The following CSMD1 variants were observed in gnomAD, a reference collection of about 807,000 sequenced individuals.
CSMD1 encodes CUB and sushi domain-containing protein 1.
A neutral mutation model predicts 417.5 loss-of-function variants in CSMD1; 213 were observed. The ratio of observed to expected loss-of-function variants is 0.51; its 90% confidence interval spans 0.46 to 0.57. The LOEUF is 0.57. Ranked by LOEUF, CSMD1 falls within the 20% of genes least tolerant of loss-of-function variation. CSMD1 has a pLI of 0.00. For synonymous variants in CSMD1, 2,862 were observed against 1,736.8 expected (o/e 1.65, Z -16.11); for missense variants, 6,923 against 4,529.7 (o/e 1.53, Z -15.17).
intron 5 of CSMD1, among the ~76,000 whole-genome samples, chr8:3,989,080 C>T (rs1292820625): frequency 1.3e-5 from 2 of 152,168 alleles, no homozygotes; most frequent in Non-Finnish European, 2.9e-5. Flanking sequence ...CTCTCTATGG[C>T]ACTGTTTCTT....
At chr8:3,016,523 G>A (rs769778129) in intron 52 of CSMD1, among the ~76,000 whole-genome samples, 25 of 152,128 alleles carry the variant, frequency 1.6e-4, no homozygotes, top group African/African-American at 3.6e-4. Flanking sequence ...AACCCTTTCC[G>A]TTACAGTGGT....
rs560125800 is a variant in CSMD1, at chr8:4,112,489, T to C, written c.416-80390A>G. On this transcript the variant is annotated intron_variant, in intron 3 of 69. Transcript: ENST00000635120. The stretch of plus-strand genomic sequence containing the variant: ...TTCTTCCACCCTCCTGCCAATGGAG[T>C]GACCCATCCTGAATACAGGAAGTTT... 4.6e-5 allele frequency among the ~76,000 whole-genome samples: 7 copies of C among 152,112 alleles called. No individual in the cohort carries two copies. The South Asian group carries it at 6.2e-4, about 14-fold the overall frequency.
At chr8:4,710,818 C>G (rs1375090681) in intron 1 of CSMD1, among the ~76,000 whole-genome samples, 1 of 151,268 alleles carries the variant, frequency 6.6e-6, no homozygotes, top group Non-Finnish European at 1.5e-5. Flanking sequence ...GCGCTCTAGC[C>G]TGGGAGACAG....
intron 5 of CSMD1, among the ~76,000 whole-genome samples, chr8:3,777,560 T>G (rs1002162092): frequency 1.3e-5 from 2 of 152,160 alleles, no homozygotes; most frequent in Non-Finnish European, 2.9e-5. Context: ...AGGCTCCCTC[T>G]AGTCCACAGG....
intron 2 of CSMD1, among the ~76,000 whole-genome samples, chr8:4,596,078 G>A (rs1020997946): frequency 6.6e-6 from 1 of 152,094 alleles, no homozygotes; most frequent in East Asian, 1.9e-4. Context: ...TTCTCTCAAG[G>A]GCCAACTTCC....
chr8:4,712,470 T>C (rs1403328531), intron 1 of CSMD1, among the ~76,000 whole-genome samples: 1 of 152,200 alleles, frequency 6.6e-6, no homozygotes, highest in African/African-American at 2.4e-5. Context: ...TTTTTTCCCA[T>C]GTCAAAGCAG....
Position 4,788,107 on chromosome 8 carries a change from G to A in CSMD1, c.86-150549C>T. ...TTGCTTTTGAAATCAGAAAGTCAGT[G>A]CAGGGTTGTAGTGTTGATGGGCTCT... is the stretch of plus-strand genomic sequence containing the variant. On this transcript the variant is annotated intron_variant, in intron 1 of 69. Transcript: ENST00000635120. The A allele has an allele frequency of 4.4e-6, 7 of 1,603,090 alleles. No individual in the cohort carries two copies. In the South Asian group the frequency reaches 6.7e-5, roughly 15 times the overall value.
chr8:4,074,891 C>T (rs771525205), intron 3 of CSMD1, among the ~76,000 whole-genome samples: 3 of 152,004 alleles, frequency 2.0e-5, no homozygotes, highest in Admixed American at 1.3e-4. Context: ...TAAACTTCCA[C>T]GTGGCAGAAG....
intron 5 of CSMD1, among the ~76,000 whole-genome samples, chr8:3,933,519 C>T (rs1041159714): frequency 1.3e-5 from 2 of 152,112 alleles, no homozygotes; most frequent in African/African-American, 2.4e-5. Context: ...AGACCACAGT[C>T]TGCAGGCCTT....
At chr8:4,989,273 T>TA (rs1811343700) in intron 1 of CSMD1, among the ~76,000 whole-genome samples, 1 of 151,258 alleles carries the variant, frequency 6.6e-6, no homozygotes, top group Non-Finnish European at 1.5e-5. Flanking sequence ...AGGTCTACAG[T>TA]AAAAAAAGAA....
At chr8:3,311,369 C>T (rs1318634571) in intron 23 of CSMD1, among the ~76,000 whole-genome samples, 4 of 152,096 alleles carry the variant, frequency 2.6e-5, no homozygotes, top group Non-Finnish European at 5.9e-5. Context: ...CCTGCCTCAG[C>T]CTCCTGAATA....
intron 5 of CSMD1, among the ~76,000 whole-genome samples, chr8:3,754,604 G>T (rs965759682): frequency 2.0e-5 from 3 of 152,092 alleles, no homozygotes; most frequent in Admixed American, 6.5e-5. Context: ...ACAGGCATGC[G>T]CCATCATGCC....
intron 25 of CSMD1, 94 bp downstream of exon 25, chr8:3,307,601 T>A (rs1016699756): frequency 2.2e-6 from 3 of 1,370,228 alleles, no homozygotes; most frequent in Admixed American, 2.2e-5. Context: ...TCAGAAACTT[T>A]AACCATGGAT....
At position 4,400,459 on chromosome 8, in the gene CSMD1, C is replaced by G. The variant is rs7831302; in HGVS notation, c.415+19494G>C. Among the ~76,000 whole-genome samples, 10 of 152,324 alleles carry G rather than the reference C, an allele frequency of 6.6e-5. No homozygotes were observed. The East Asian group carries it at 1.7e-3, about 26-fold the overall frequency. Reference sequence around the variant, plus strand: ...ATGTATGCAGACATCGAGATTCATTCATTTGCTCCACGCAAATTCTTGTGT... The same window carrying G: ...ATGTATGCAGACATCGAGATTCATTGATTTGCTCCACGCAAATTCTTGTGT... On this transcript the variant is annotated intron_variant, in intron 3 of 69. Coordinates refer to ENST00000635120, the MANE Select transcript of CSMD1 (RefSeq NM_033225.6).
At chr8:4,076,139 C>T (rs942734824) in intron 3 of CSMD1, among the ~76,000 whole-genome samples, 1 of 152,126 alleles carries the variant, frequency 6.6e-6, no homozygotes, top group East Asian at 1.9e-4. Flanking sequence ...TAGGAGGTAA[C>T]TGAATCATGC....
chr8:4,048,213 A>T (rs1019121006), intron 3 of CSMD1, among the ~76,000 whole-genome samples: 1 of 152,140 alleles, frequency 6.6e-6, no homozygotes, highest in African/African-American at 2.4e-5. Flanking sequence ...ATTGAATAAC[A>T]TACCGTTCTT....
chr8:3,898,967 A>G (rs978648594), intron 5 of CSMD1, among the ~76,000 whole-genome samples: 11 of 152,330 alleles, frequency 7.2e-5, no homozygotes, highest in African/African-American at 2.4e-4. Flanking sequence ...TAAAAAACAA[A>G]TGGGACCATA....
chr8:3,558,087 T>C (rs899017612), intron 10 of CSMD1, among the ~76,000 whole-genome samples: 1 of 149,232 alleles, frequency 6.7e-6, no homozygotes, highest in Non-Finnish European at 1.5e-5. Context: ...TAGTACCCCG[T>C]GTCGACTCCT....
chr8:3,114,225 C>A (rs928557259), intron 42 of CSMD1, among the ~76,000 whole-genome samples: 1 of 152,140 alleles, frequency 6.6e-6, no homozygotes, highest in African/African-American at 2.4e-5. Flanking sequence ...GCCTGGGCAA[C>A]AGCCTGAGAC....
Sources: gnomAD v4.1 joint callset for allele counts (sites outside exome capture counted in the v4.1 genomes callset) on GRCh38, gnomAD v4.1.1 for gene constraint, MANE v1.5 for transcripts, NCBI Gene and HGNC (gene_info 2026-07-23, HGNC 2026-07-21) for gene names.